GRM8: variants seen among roughly 807,000 people sequenced by gnomAD.
GRM8 encodes metabotropic glutamate receptor 8.
In GRM8, 47 loss-of-function variants were observed where a neutral mutation model predicts 87.2. That is an observed-to-expected ratio of 0.54 (90% CI 0.43 to 0.69). The LOEUF is 0.69. Ranked by LOEUF, GRM8 falls within the 30% of genes least tolerant of loss-of-function variation. The probability of loss-of-function intolerance (pLI) is 0.00; values close to 1 mark genes in which losing one functional copy is unlikely to be tolerated. For synonymous variants in GRM8, 396 were observed against 404.5 expected (o/e 0.98, Z 0.25); for missense variants, 1,019 against 1,139.2 (o/e 0.89, Z 1.52).
intron 8 of GRM8, among the ~76,000 whole-genome samples, chr7:126,596,038 C>T (rs529268787): frequency 1.8e-4 from 28 of 152,216 alleles, no homozygotes; most frequent in Admixed American, 1.5e-3. Context: ...CCACAAGAAT[C>T]GCTTGAACCC....
intron 2 of GRM8, among the ~76,000 whole-genome samples, chr7:127,216,638 G>A (rs1796571196): frequency 6.6e-6 from 1 of 151,102 alleles, no homozygotes; most frequent in South Asian, 2.1e-4. Context: ...ACCTCTAATA[G>A]CTTCCCATTA....
At chr7:126,475,584 A>G (rs1805805279) in intron 9 of GRM8, among the ~76,000 whole-genome samples, 1 of 152,136 alleles carries the variant, frequency 6.6e-6, no homozygotes, top group African/African-American at 2.4e-5. Context: ...GAAAATTAAA[A>G]TGACTTTTAA....
Position 126,480,985 on chromosome 7 carries a change from G to A in GRM8, c.2431-34613C>T, listed in dbSNP as rs553903113. On this transcript the variant is annotated intron_variant, in intron 9 of 10. Transcript: ENST00000339582. ...CAAAATTAAAGGAAATAATTTTTAC[G>A]AAAATGATGGGGCATGCCAAAGGTA... is the stretch of plus-strand genomic sequence containing the variant. Among the ~76,000 whole-genome samples, 21 of 152,096 alleles carry A rather than the reference G, an allele frequency of 1.4e-4. No homozygotes were observed. The South Asian group carries it at 1.7e-3, about 12-fold the overall frequency.
chr7:126,463,763 T>C (rs764740305), intron 9 of GRM8, among the ~76,000 whole-genome samples: 17 of 151,614 alleles, frequency 1.1e-4, no homozygotes, highest in Admixed American at 2.6e-4. Flanking sequence ...TTTGCACTTG[T>C]GCCTGATGTA....
chr7:126,643,023 G>C (rs1206966214), intron 7 of GRM8, among the ~76,000 whole-genome samples: 5 of 151,942 alleles, frequency 3.3e-5, no homozygotes, highest in Admixed American at 1.3e-4. Context: ...AGGTGCAGTG[G>C]CTCAAGCCTA....
chr7:127,087,281 A>T (rs556236856), intron 3 of GRM8, among the ~76,000 whole-genome samples: 4 of 152,364 alleles, frequency 2.6e-5, no homozygotes, highest in African/African-American at 7.2e-5. Flanking sequence ...CAGTTTTATT[A>T]CACAGGACTG....
In GRM8 at chr7:127,106,656, A is replaced by G; in HGVS notation, c.567T>C (p.Tyr189=). The G allele has an allele frequency of 6.2e-7, 1 of 1,614,090 alleles. No individual in the cohort carries two copies. The highest frequency in any genetic ancestry group is 1.1e-5 in the South Asian group (1 of 91,074). ...TAPELSDNTR[Y]DFFSRVVPPD... is the part of the protein sequence containing the mutation. Reference sequence around the variant, plus strand: ...GCGGAACCACTCGAGAGAAAAAGTCATACCTGGTGTTATCACTTAGCTCTG... The same window carrying G: ...GCGGAACCACTCGAGAGAAAAAGTCGTACCTGGTGTTATCACTTAGCTCTG... Residue 189 remains tyrosine, a synonymous_variant, in exon 3 of 11, where the codon TAT becomes TAC. Transcript: ENST00000339582.
At chr7:127,219,861 C>A (rs575797660) in intron 2 of GRM8, among the ~76,000 whole-genome samples, 1 of 152,182 alleles carries the variant, frequency 6.6e-6, no homozygotes, top group African/African-American at 2.4e-5. Context: ...CAGACCACCA[C>A]GGATCTGCTG....
At chr7:126,962,308 C>T (rs1257209110) in intron 3 of GRM8, among the ~76,000 whole-genome samples, 1 of 152,166 alleles carries the variant, frequency 6.6e-6, no homozygotes, top group Non-Finnish European at 1.5e-5. Context: ...CTATTCAGAC[C>T]AGGTATGTTC....
chr7:127,204,486 G>A (rs1218525373), intron 2 of GRM8, among the ~76,000 whole-genome samples: 1 of 152,082 alleles, frequency 6.6e-6, no homozygotes, highest in East Asian at 1.9e-4. Flanking sequence ...GTGATAAACA[G>A]ATCTTTTACT....
At chr7:126,899,200 T>C (rs1299956625) in intron 6 of GRM8, among the ~76,000 whole-genome samples, 4 of 151,864 alleles carry the variant, frequency 2.6e-5, no homozygotes, top group African/African-American at 4.8e-5. Flanking sequence ...AGGAAATGAA[T>C]TTAAAGAGAA....
At chr7:126,446,914 G>A (rs1427466471) in intron 9 of GRM8, among the ~76,000 whole-genome samples, 1 of 151,878 alleles carries the variant, frequency 6.6e-6, no homozygotes, top group Non-Finnish European at 1.5e-5. Context: ...CATGTCATAA[G>A]GGCTTGATTT....
At chr7:126,489,926 C>T (rs532683331) in intron 9 of GRM8, among the ~76,000 whole-genome samples, 1 of 152,006 alleles carries the variant, frequency 6.6e-6, no homozygotes, top group Admixed American at 6.6e-5. Context: ...CCCCCTCCCC[C>T]ACCAGAGCCA....
At chr7:126,450,453 A>G (rs1375488931) in intron 9 of GRM8, among the ~76,000 whole-genome samples, 3 of 151,826 alleles carry the variant, frequency 2.0e-5, no homozygotes, top group Non-Finnish European at 4.4e-5. Context: ...TGCTTTGCAT[A>G]CCGTTTGACC....
At chr7:126,474,353 C>T (rs1805650437) in intron 9 of GRM8, among the ~76,000 whole-genome samples, 1 of 152,148 alleles carries the variant, frequency 6.6e-6, no homozygotes, top group South Asian at 2.1e-4. Context: ...ACTGCAACCT[C>T]TACCTCCCAC....
At chr7:127,089,341 G>T (rs1252010190) in intron 3 of GRM8, among the ~76,000 whole-genome samples, 4 of 152,162 alleles carry the variant, frequency 2.6e-5, no homozygotes, top group African/African-American at 9.7e-5. Flanking sequence ...AGCCAGCCCT[G>T]CCTACACCTT....
At position 126,533,294 on chromosome 7, in the gene GRM8, C is replaced by A; in HGVS notation, c.2088G>T (p.Leu696=). 6.2e-7 allele frequency: 1 copy of A among 1,613,682 alleles called. No homozygotes were observed. The change falls in exon 9 of 11, where the codon CTG becomes CTT. Residue 696 remains leucine, a synonymous_variant. Transcript: ENST00000339582. ...APKFISPASQ[L]VITFSLISVQ... is the part of the protein sequence containing the mutation. The stretch of plus-strand genomic sequence containing the variant: ...CGGAGATGAGGCTGAAGGTGATCAC[C>A]AGCTGAGATGCTGGACTAATGAACT...
chr7:126,795,039 A>G (rs561182971), intron 6 of GRM8, among the ~76,000 whole-genome samples: 6 of 152,332 alleles, frequency 3.9e-5, no homozygotes, highest in Admixed American at 6.5e-5. Context: ...ACATGCTTAT[A>G]GTAACAAAAT....
At chr7:126,738,654 G>A (rs1814525255) in intron 7 of GRM8, among the ~76,000 whole-genome samples, 1 of 148,234 alleles carries the variant, frequency 6.7e-6, no homozygotes, top group Non-Finnish European at 1.5e-5. Flanking sequence ...GTATAGAAGA[G>A]AAGGCTGAAG....
Sources: allele counts gnomAD v4.1 joint callset (sites outside exome capture counted in the v4.1 genomes callset), GRCh38; gene constraint gnomAD v4.1.1; transcripts MANE v1.5; gene names NCBI Gene and HGNC (gene_info 2026-07-23, HGNC 2026-07-21).